The following ZZEF1 variants were observed in gnomAD, a reference collection of about 807,000 sequenced individuals.
ZZEF1 encodes the protein zinc finger ZZ-type and EF-hand domain containing 1, also known as zinc finger ZZ-type and EF-hand domain-containing protein 1.
A neutral mutation model predicts 342.8 loss-of-function variants in ZZEF1; 157 were observed. That is an observed-to-expected ratio of 0.46 (90% CI 0.40 to 0.52). ZZEF1 has a LOEUF of 0.52. Among genes scored for constraint, ZZEF1 ranks in the 20% least tolerant of loss-of-function variants. The pLI is 0.00. For missense variants in ZZEF1, 3,480 were observed against 3,725.6 expected, an observed-to-expected ratio of 0.93 and a Z score of 1.72; for synonymous variants, 1,505 against 1,429.1, an observed-to-expected ratio of 1.05 and a Z score of -1.20.
chr17:4,117,110 T>A lies in ZZEF1; in HGVS notation c.556A>T (p.Ile186Leu), dbSNP rs1285391553. 1 of 1,613,992 alleles carries A rather than the reference T, an allele frequency of 6.2e-7. No homozygotes were observed. Among genetic ancestry groups the A allele is most frequent in the African/African-American group, 1.3e-5 (1 of 74,918 alleles). ...CGATTGCGGTGCAGGAAGCGCAGTATCATTGACGAGTGAATATCAAGGCCC... is the reference window on the plus strand; with the variant it reads ...CGATTGCGGTGCAGGAAGCGCAGTAACATTGACGAGTGAATATCAAGGCCC... ...KEGLDIHSSM[I>L]LRFLHRNRLS... The change falls in exon 3 of 55, where the codon ATA becomes TTA. Residue 186 changes from isoleucine (I) to leucine (L), a missense_variant. This residue lies in a region of ZZEF1 where 416 missense variants were observed against 374.2 expected (regional missense o/e 1.11). Coordinates refer to ENST00000381638, the MANE Select transcript of ZZEF1 (RefSeq NM_015113.4).
chr17:4,070,526 G>C (rs1273484352), intron 26 of ZZEF1, among the ~76,000 whole-genome samples, 158 bp downstream of exon 26: 1 of 152,176 alleles, frequency 6.6e-6, no homozygotes, highest in Admixed American at 6.5e-5. Flanking sequence ...AAGTGGCCAT[G>C]AATCTTTTAA....
Position 4,017,231 on chromosome 17 carries a change from C to A in ZZEF1, c.8001+140G>T. 1 of 1,228,394 alleles carries A rather than the reference C, an allele frequency of 8.1e-7. No individual in the cohort carries two copies. Among genetic ancestry groups the A allele is most frequent in the Non-Finnish European group, 1.1e-6 (1 of 898,964 alleles). 76.1% of individuals were successfully genotyped at this position (1,228,394 alleles called of 1,614,324 possible). A position where few individuals can be genotyped will look rare whatever the true frequency, so the allele number is the denominator to read the frequency against. ...ATCCTTGGGAGAGGATACAGTGACC[C>A]TACCTTTGCTGCATTCACACCTGTC... On this transcript the variant is annotated intron_variant, in intron 48 of 54. Coordinates refer to ENST00000381638, the MANE Select transcript of ZZEF1 (RefSeq NM_015113.4). This position sits in a 1 kb window ranked among gnomAD's most constrained non-coding sequence, Gnocchi z 5.1.
chr17:4,056,098 G>T, intron 33 of ZZEF1, 118 bp downstream of exon 33: 1 of 1,152,146 alleles, frequency 8.7e-7, no homozygotes, highest in Non-Finnish European at 1.2e-6. Flanking sequence ...CTTCACTAGG[G>T]TATTGAATGC....
At chr17:4,061,594 G>A (rs1299580404) in intron 30 of ZZEF1, among the ~76,000 whole-genome samples, 8 of 151,908 alleles carry the variant, frequency 5.3e-5, no homozygotes, top group Admixed American at 2.0e-4. Context: ...CCAGCTTAAC[G>A]TGGCCAAAAC....
intron 26 of ZZEF1, among the ~76,000 whole-genome samples, chr17:4,069,332 T>C (rs1201494097): frequency 1.3e-5 from 2 of 152,178 alleles, no homozygotes; most frequent in African/African-American, 4.8e-5. Flanking sequence ...CCTCGATTCC[T>C]CAGCAGAGAA....
Position 4,072,598 on chromosome 17 carries a change from G to A in ZZEF1, c.3834+10C>T, listed in dbSNP as rs767855743. 1 of 1,592,466 alleles carries A rather than the reference G, an allele frequency of 6.3e-7. No homozygotes were observed. The highest frequency in any genetic ancestry group is 8.6e-7 in the Non-Finnish European group (1 of 1,169,086). Reference sequence around the variant, plus strand: ...CAGTCTAAATAGAAAGAAAACGGAAGAGTAAATACCTCCTTACTATTCCGG... The same window carrying A: ...CAGTCTAAATAGAAAGAAAACGGAAAAGTAAATACCTCCTTACTATTCCGG... On this transcript the variant is annotated intron_variant, in intron 25 of 54. Transcript: ENST00000381638.
intron 39 of ZZEF1, among the ~76,000 whole-genome samples, chr17:4,041,254 A>G (rs1350703158): frequency 2.6e-5 from 4 of 152,042 alleles, no homozygotes; most frequent in Non-Finnish European, 5.9e-5. Flanking sequence ...TCTGAGCTAC[A>G]GTGTGGTCTT....
chr17:4,019,993 C>T (rs1421668551), intron 45 of ZZEF1: 2 of 447,238 alleles, frequency 4.5e-6, no homozygotes, highest in East Asian at 4.1e-5. Flanking sequence ...TTATAAAACA[C>T]TAAAACCCCA....
intron 10 of ZZEF1, 77 bp downstream of exon 10, chr17:4,096,532 T>C (rs1487787759): frequency 1.6e-6 from 2 of 1,227,630 alleles, no homozygotes; most frequent in East Asian, 2.3e-5. Context: ...CCCACAAATA[T>C]ATATACCTAC....
chr17:4,141,803 T>C (rs2058855470), intron 1 of ZZEF1, among the ~76,000 whole-genome samples: 1 of 151,976 alleles, frequency 6.6e-6, no homozygotes, highest in Admixed American at 6.5e-5. Flanking sequence ...TCTTCTTAAC[T>C]CGAAGTGAAG....
At chr17:4,102,258 T>A in intron 9 of ZZEF1, 59 bp downstream of exon 9, 1 of 1,478,302 alleles carries the variant, frequency 6.8e-7, no homozygotes, top group Non-Finnish European at 9.4e-7. Context: ...GGAGTGTGCT[T>A]TCACACAGCT....
At chr17:4,136,474 C>A (rs767990630) in intron 1 of ZZEF1, among the ~76,000 whole-genome samples, 1 of 152,060 alleles carries the variant, frequency 6.6e-6, no homozygotes, top group Non-Finnish European at 1.5e-5. Flanking sequence ...ATGGGTGAGG[C>A]GACTGAGACA....
At position 4,109,798 on chromosome 17, in the gene ZZEF1, C is replaced by A; in HGVS notation, c.1132G>T (p.Ala378Ser). 1 of 1,614,178 alleles carries A rather than the reference C, an allele frequency of 6.2e-7. No individual in the cohort carries two copies. The highest frequency in any genetic ancestry group is 8.5e-7 in the Non-Finnish European group (1 of 1,180,038). The change falls in exon 6 of 55, where the codon GCT becomes TCT. Residue 378 changes from alanine to serine, a missense_variant. By Grantham distance (99) the Ala-to-Ser change is moderately conservative (BLOSUM62 1). Coordinates refer to ENST00000381638, the MANE Select transcript of ZZEF1 (RefSeq NM_015113.4). ...TTCTTAACTCTCTGAAAGCCAACAG[C>A]CCTGAGACCATGAATTCTAGTGTCG... Reference protein sequence around the residue: ...GCDTRIHGLRAVGFQRVKKSG... With the variant: ...GCDTRIHGLRSVGFQRVKKSG...
chr17:4,100,960 T>C (rs1213262665), intron 9 of ZZEF1, among the ~76,000 whole-genome samples: 1 of 152,114 alleles, frequency 6.6e-6, no homozygotes, highest in Non-Finnish European at 1.5e-5. Flanking sequence ...CTTGGCTTTC[T>C]TGGGTGAGGG....
chr17:4,017,235 C>G lies in ZZEF1; in HGVS notation c.8001+136G>C. ...TTGGGAGAGGATACAGTGACCCTAC[C>G]TTTGCTGCATTCACACCTGTCAGGG... is the stretch of plus-strand genomic sequence containing the variant. On this transcript the variant is annotated intron_variant, in intron 48 of 54. Transcript: ENST00000381638. The surrounding 1 kb of genome is among the most constrained non-coding windows in gnomAD (Gnocchi z 5.1). 1 of 1,270,466 alleles carries G rather than the reference C, an allele frequency of 7.9e-7. No homozygotes were observed. Among genetic ancestry groups the G allele is most frequent in the South Asian group, 1.5e-5 (1 of 67,264 alleles). 78.7% of individuals were successfully genotyped at this position (1,270,466 alleles called of 1,614,324 possible).
rs534178922 is a variant in ZZEF1 at position 4,046,980 on chromosome 17, T to A, written c.6016-2606A>T. Among the ~76,000 whole-genome samples the A allele has an allele frequency of 3.9e-5, 6 of 152,256 alleles. No individual in the cohort carries two copies. In the South Asian group the frequency reaches 1.2e-3, roughly 32 times the overall value. ...TCCTAGGGGCCCCAATGGGATACAG[T>A]CCTTATGGCCACTGTAGTGGCAACA... On this transcript the variant is annotated intron_variant, in intron 37 of 54. Coordinates refer to ENST00000381638, the MANE Select transcript of ZZEF1 (RefSeq NM_015113.4).
At chr17:4,060,386 G>A (rs533549861) in intron 30 of ZZEF1, among the ~76,000 whole-genome samples, 10 of 152,224 alleles carry the variant, frequency 6.6e-5, no homozygotes, top group African/African-American at 2.4e-4. Context: ...CCAACATGGG[G>A]AAACCCAGTG....
intron 1 of ZZEF1, among the ~76,000 whole-genome samples, chr17:4,137,337 G>A (rs1038423916): frequency 2.4e-4 from 36 of 152,332 alleles, no homozygotes; most frequent in Middle Eastern, 3.4e-3. Flanking sequence ...TCGGCCAGGT[G>A]CGATGGCTCA....
At chr17:4,074,403 C>T in intron 23 of ZZEF1, 52 bp from the exon 24 acceptor site, 1 of 1,555,790 alleles carries the variant, frequency 6.4e-7, no homozygotes, top group South Asian at 1.1e-5. Flanking sequence ...AGGAGTGCTT[C>T]AGAAATCAGC....
Sources: allele counts gnomAD v4.1 joint callset (sites outside exome capture counted in the v4.1 genomes callset), GRCh38; gene constraint gnomAD v4.1.1; regional missense constraint gnomAD v4.1.1; non-coding constraint Gnocchi (gnomAD v3.1); transcripts MANE v1.5; gene names NCBI Gene and HGNC (gene_info 2026-07-23, HGNC 2026-07-21).